The following RNASE6 variants were observed in gnomAD, a reference collection of about 807,000 sequenced individuals.
RNASE6 encodes the protein ribonuclease K6.
For synonymous variants in RNASE6, 64 were observed against 63.6 expected, an observed-to-expected ratio of 1.01 and a Z score of -0.03; for missense variants, 197 against 181.9, an observed-to-expected ratio of 1.08 and a Z score of -0.48.
chr14:20,781,377 G>A (rs1878639079), intron 1 of RNASE6, 39 bp downstream of exon 1: 3 of 287,966 alleles, frequency 1.0e-5, no homozygotes, highest in Non-Finnish European at 2.0e-5. Context: ...GAGTAGAGCA[G>A]TAAAGACGGC....
rs748185946 is a variant in RNASE6 at position 20,781,765 on chromosome 14, T to C, written c.66T>C (p.His22=). The C allele has an allele frequency of 1.9e-6, 3 of 1,614,090 alleles. No individual in the cohort carries two copies. The highest frequency in any genetic ancestry group is 2.5e-6 in the Non-Finnish European group (3 of 1,180,020). The part of the protein sequence containing the change: ...LVLWGPVCPL[H]AWPKRLTKAH... The stretch of plus-strand genomic sequence containing the variant: ...TATGGGGACCAGTGTGTCCACTTCA[T>C]GCTTGGCCTAAGCGTCTCACCAAGG... The change falls in exon 2 of 2, where the codon CAT becomes CAC. Residue 22 remains histidine, a synonymous_variant. Coordinates refer to ENST00000304677, the MANE Select transcript of RNASE6 (RefSeq NM_005615.5).
In RNASE6 at chr14:20,781,762, TC is replaced by T; in HGVS notation, c.64del (p.His22MetfsTer29). On this transcript the variant is annotated frameshift_variant, in exon 2 of 2. Coordinates refer to ENST00000304677, the MANE Select transcript of RNASE6 (RefSeq NM_005615.5). LOFTEE classifies it low-confidence loss of function (END_TRUNC). ...TTCTATGGGGACCAGTGTGTCCACT[TC>T]ATGCTTGGCCTAAGCGTCTCACCAA... ...LVLWGPVCPLHAWPKRLTKAH... is the reference protein window; with the variant it reads ...LVLWGPVCPLXAWPKRLTKAH... The T allele has an allele frequency of 1.2e-6, 2 of 1,614,214 alleles. No individual in the cohort carries two copies. Among genetic ancestry groups the T allele is most frequent in the African/African-American group, 2.7e-5 (2 of 75,054 alleles).
rs750881274 is a variant in RNASE6, at chr14:20,782,107, T to TC, written c.414dup (p.Tyr139LeufsTer10). The stretch of plus-strand genomic sequence containing the variant: ...CCTGTGACCCCCCTCAGAAGAGCGA[T>TC]CCCCCCTACAAGTTGGTTCCTGTAC... On this transcript the variant is annotated frameshift_variant, in exon 2 of 2. Transcript: ENST00000304677. LOFTEE classifies it high-confidence loss of function. The TC allele has an allele frequency of 3.3e-5, 53 of 1,612,644 alleles. No homozygotes were observed. Among genetic ancestry groups the TC allele is most frequent in the Non-Finnish European group, 4.2e-5 (49 of 1,179,352 alleles).
chr14:20,782,243 A>G lies in RNASE6; in HGVS notation c.*91A>G. The G allele has an allele frequency of 8.0e-7, 1 of 1,256,672 alleles. No individual in the cohort carries two copies. The highest frequency in any genetic ancestry group is 2.4e-5 in the Admixed American group (1 of 40,848). The allele number at this position is 1,256,672 out of a possible 1,614,324, so 77.8% of individuals were successfully genotyped here. The stretch of plus-strand genomic sequence containing the variant: ...CTTTTGTTGATTTTCTTGTTCCCGT[A>G]GAAGAAAGAAGAAAGGTGTTTGGAG... On this transcript the variant is annotated 3_prime_UTR_variant, in exon 2 of 2. Coordinates refer to ENST00000304677, the MANE Select transcript of RNASE6 (RefSeq NM_005615.5).
Position 20,782,124 on chromosome 14 carries a change from T to C in RNASE6, c.425T>C (p.Val142Ala). The C allele has an allele frequency of 6.2e-7, 1 of 1,609,486 alleles. No homozygotes were observed. The highest frequency in any genetic ancestry group is 8.5e-7 in the Non-Finnish European group (1 of 1,177,468). ...PQKSDPPYKL[V>A]PVHLDSIL ...AAGAGCGATCCCCCCTACAAGTTGG[T>C]TCCTGTACACTTAGATAGTATTCTC... The change falls in exon 2 of 2, where the codon GTT becomes GCT. Residue 142 changes from valine to alanine, a missense_variant. Physicochemically the swap from Val to Ala is moderately conservative, Grantham distance 64. Coordinates refer to ENST00000304677, the MANE Select transcript of RNASE6 (RefSeq NM_005615.5).
intron 1 of RNASE6, 36 bp downstream of exon 1, chr14:20,781,374 G>T: frequency 3.5e-6 from 1 of 283,262 alleles, no homozygotes; most frequent in Non-Finnish European, 6.7e-6. Flanking sequence ...AGCGAGTAGA[G>T]CAGTAAAGAC....
rs772615700 is a variant in RNASE6, at chr14:20,782,008, C to T, written c.309C>T (p.Asp103=). The change falls in exon 2 of 2, where the codon GAC becomes GAT. Residue 103 remains aspartate (D), a synonymous_variant. Coordinates refer to ENST00000304677, the MANE Select transcript of RNASE6 (RefSeq NM_005615.5). ...HQSSKPVNMT[D]CRLTSGKYPQ... ...GCTCAAAGCCTGTCAACATGACTGA[C>T]TGCAGACTCACTTCAGGAAAGTATC... 2 of 1,614,226 alleles carry T rather than the reference C, an allele frequency of 1.2e-6. No individual in the cohort carries two copies. The highest frequency in any genetic ancestry group is 1.7e-6 in the Non-Finnish European group (2 of 1,180,036).
rs1393534890 is a variant in RNASE6 at position 20,782,193 on chromosome 14, T to TA, written c.*42dup. ...TCCTTTCATTTGACATAGCTTCTGT[T>TA]ACAATTGCATCCATGTTTTCTTTTC... On this transcript the variant is annotated 3_prime_UTR_variant, in exon 2 of 2. Coordinates refer to ENST00000304677, the MANE Select transcript of RNASE6 (RefSeq NM_005615.5). The TA allele has an allele frequency of 6.8e-7, 1 of 1,467,546 alleles. No individual in the cohort carries two copies. The highest frequency in any genetic ancestry group is 2.3e-5 in the East Asian group (1 of 43,714). The allele number at this position is 1,467,546 out of a possible 1,614,324, so 90.9% of individuals were successfully genotyped here.
In RNASE6 at chr14:20,782,304, A is replaced by G; in HGVS notation, c.*152A>G. 1.5e-6 allele frequency: 1 copy of G among 682,998 alleles called. No homozygotes were observed. 42.3% of individuals were successfully genotyped at this position (682,998 alleles called of 1,614,324 possible). A position where few individuals can be genotyped will look rare whatever the true frequency, so the allele number is the denominator to read the frequency against. ...CCTAGGATGCCAGACCAGAGTTGAG[A>G]CAAAAAGAAATAAGATTATTTTCTG... is the stretch of plus-strand genomic sequence containing the variant. On this transcript the variant is annotated 3_prime_UTR_variant, in exon 2 of 2. Transcript: ENST00000304677.
Position 20,782,036 on chromosome 14 carries a change from C to CA in RNASE6, c.338dup (p.Cys114ValfsTer4), listed in dbSNP as rs1308162541. 4 of 1,614,212 alleles carry CA rather than the reference C, an allele frequency of 2.5e-6. No individual in the cohort carries two copies. The East Asian group carries it at 6.7e-5, about 27-fold the overall frequency. On this transcript the variant is annotated frameshift_variant, in exon 2 of 2. Coordinates refer to ENST00000304677, the MANE Select transcript of RNASE6 (RefSeq NM_005615.5). LOFTEE classifies it low-confidence loss of function (END_TRUNC). ...CAGACTCACTTCAGGAAAGTATCCC[C>CA]AGTGCCGCTATAGTGCTGCTGCCCA...
intron 1 of RNASE6, 120 bp downstream of exon 1, chr14:20,781,458 G>A: frequency 2.1e-6 from 1 of 478,472 alleles, no homozygotes; most frequent in Non-Finnish European, 3.7e-6. Context: ...TGATATGACA[G>A]CCATCAAATG....
Position 20,782,152 on chromosome 14 carries a change from A to C in RNASE6, c.453A>C (p.Ter151TyrextTer11). 6.4e-7 allele frequency: 1 copy of C among 1,563,544 alleles called. No individual in the cohort carries two copies. The highest frequency in any genetic ancestry group is 2.3e-5 in the East Asian group (1 of 44,286). The change falls in exon 2 of 2, where the codon TAA becomes TAC. Residue 151 changes from the stop codon to tyrosine, a stop_lost. Transcript: ENST00000304677. ...LVPVHLDSIL[*>Y] is the part of the protein sequence containing the mutation. Reference sequence around the variant, plus strand: ...CTGTACACTTAGATAGTATTCTCTAAGGCATCCACTGCATTTCCTTTCATT... The same window carrying C: ...CTGTACACTTAGATAGTATTCTCTACGGCATCCACTGCATTTCCTTTCATT...
Position 20,782,254 on chromosome 14 carries a change from G to T in RNASE6, c.*102G>T. On this transcript the variant is annotated 3_prime_UTR_variant, in exon 2 of 2. Coordinates refer to ENST00000304677, the MANE Select transcript of RNASE6 (RefSeq NM_005615.5). ...TTTCTTGTTCCCGTAGAAGAAAGAA[G>T]AAAGGTGTTTGGAGAATTCGAGTGC... 8.1e-7 allele frequency: 1 copy of T among 1,236,796 alleles called. No individual in the cohort carries two copies. Among genetic ancestry groups the T allele is most frequent in the Non-Finnish European group, 1.1e-6 (1 of 888,086 alleles). The allele number at this position is 1,236,796 out of a possible 1,614,324, so 76.6% of individuals were successfully genotyped here.
At chr14:20,781,593 T>C in intron 1 of RNASE6, 102 bp from the exon 2 acceptor site, 1 of 843,458 alleles carries the variant, frequency 1.2e-6, no homozygotes, top group South Asian at 1.9e-5. Context: ...TAAAGGGAGC[T>C]GTAAAATCTT....
In RNASE6 at chr14:20,782,013, G is replaced by A; in HGVS notation, c.314G>A (p.Arg105Lys). Reference protein sequence around the residue: ...SSKPVNMTDCRLTSGKYPQCR... With the variant: ...SSKPVNMTDCKLTSGKYPQCR... ...AAGCCTGTCAACATGACTGACTGCA[G>A]ACTCACTTCAGGAAAGTATCCCCAG... Residue 105 changes from arginine to lysine, a missense_variant, in exon 2 of 2, where the codon AGA becomes AAA. Transcript: ENST00000304677. 1.2e-6 allele frequency: 2 copies of A among 1,614,214 alleles called. No homozygotes were observed. The highest frequency in any genetic ancestry group is 1.7e-6 in the Non-Finnish European group (2 of 1,180,042).
rs756309556 is a variant in RNASE6 at position 20,781,878 on chromosome 14, G to A, written c.179G>A (p.Cys60Tyr). Residue 60 changes from cysteine to tyrosine, a missense_variant, in exon 2 of 2, where the codon TGT becomes TAT. Cys to Tyr is a radical substitution (Grantham distance 194). Coordinates refer to ENST00000304677, the MANE Select transcript of RNASE6 (RefSeq NM_005615.5). ...GGCATCAACAATTATACCCAGCACT[G>A]TAAGCATCAAAATACCTTTCTGCAT... ...MSGINNYTQH[C>Y]KHQNTFLHDS... 6.2e-5 allele frequency: 100 copies of A among 1,614,070 alleles called. No homozygotes were observed. Among genetic ancestry groups the A allele is most frequent in the Non-Finnish European group, 8.3e-5 (98 of 1,180,050 alleles).
At chr14:20,781,581 T>G (rs1001974069) in intron 1 of RNASE6, 114 bp from the exon 2 acceptor site, 1 of 778,708 alleles carries the variant, frequency 1.3e-6, no homozygotes, top group African/African-American at 1.7e-5. Context: ...GAAAGAAGAT[T>G]TTAAAGGGAG....
In RNASE6 at chr14:20,782,305, C is replaced by A; in HGVS notation, c.*153C>A. 1.5e-6 allele frequency: 1 copy of A among 679,444 alleles called. No homozygotes were observed. The highest frequency in any genetic ancestry group is 2.5e-6 in the Non-Finnish European group (1 of 402,912). The allele number at this position is 679,444 out of a possible 1,614,324, so 42.1% of individuals were successfully genotyped here. ...CTAGGATGCCAGACCAGAGTTGAGA[C>A]AAAAAGAAATAAGATTATTTTCTGC... On this transcript the variant is annotated 3_prime_UTR_variant, in exon 2 of 2. Coordinates refer to ENST00000304677, the MANE Select transcript of RNASE6 (RefSeq NM_005615.5).
Position 20,781,856 on chromosome 14 carries a change from A to G in RNASE6, c.157A>G (p.Ile53Val). The change falls in exon 2 of 2, where the codon ATC becomes GTC. Residue 53 changes from isoleucine to valine, a missense_variant. Ile to Val is a conservative substitution (Grantham distance 29). Coordinates refer to ENST00000304677, the MANE Select transcript of RNASE6 (RefSeq NM_005615.5). The stretch of plus-strand genomic sequence containing the variant: ...CCAATGCAACAGGGCAATGAGTGGC[A>G]TCAACAATTATACCCAGCACTGTAA... Reference protein sequence around the residue: ...PLQCNRAMSGINNYTQHCKHQ... With the variant: ...PLQCNRAMSGVNNYTQHCKHQ... The G allele has an allele frequency of 3.1e-6, 5 of 1,614,228 alleles. No individual in the cohort carries two copies. Among genetic ancestry groups the G allele is most frequent in the Non-Finnish European group, 4.2e-6 (5 of 1,180,034 alleles).
Sources: allele counts gnomAD v4.1 joint callset, GRCh38; gene constraint gnomAD v4.1.1; transcripts MANE v1.5; gene names NCBI Gene and HGNC (gene_info 2026-07-23, HGNC 2026-07-21).